EYA2: variants seen among roughly 807,000 people sequenced by gnomAD.
EYA2 encodes the protein protein phosphatase EYA2.
A neutral mutation model predicts 69.2 loss-of-function variants in EYA2; 31 were observed. The observed-to-expected ratio is 0.45, with a 90% CI of 0.34 to 0.60. The LOEUF is 0.60. Among genes scored for constraint, EYA2 ranks in the 20% least tolerant of loss-of-function variants. EYA2 has a pLI of 0.02. For missense variants in EYA2, 622 were observed against 701.2 expected, an observed-to-expected ratio of 0.89 and a Z score of 1.28; for synonymous variants, 257 against 279.4, an observed-to-expected ratio of 0.92 and a Z score of 0.80.
At chr20:47,016,140 A>G (rs552714929) in intron 4 of EYA2, 41 bp from the exon 5 acceptor site, 27 of 1,437,608 alleles carry the variant, frequency 1.9e-5, no homozygotes, top group Middle Eastern at 3.5e-4. Context: ...CATCCTAATC[A>G]TGTGTCCTTG....
chr20:47,185,450 G>A (rs2034621620), intron 15 of EYA2, among the ~76,000 whole-genome samples: 1 of 151,884 alleles, frequency 6.6e-6, no homozygotes, highest in African/African-American at 2.4e-5. Flanking sequence ...ACAGGCATGA[G>A]CCACCACATG....
chr20:47,118,724 TGA>T (rs2032969973), intron 9 of EYA2, among the ~76,000 whole-genome samples: 1 of 152,182 alleles, frequency 6.6e-6, no homozygotes, highest in South Asian at 2.1e-4. Context: ...TCGGCCGCTT[TGA>T]GAGAGACCAT....
chr20:47,027,678 G>A (rs1468366078), intron 5 of EYA2, among the ~76,000 whole-genome samples: 1 of 152,156 alleles, frequency 6.6e-6, no homozygotes, highest in Non-Finnish European at 1.5e-5. Context: ...GGATCAGGAG[G>A]GAGTTTAGTT....
chr20:47,073,922 T>A (rs2031412071), intron 6 of EYA2, among the ~76,000 whole-genome samples: 1 of 152,204 alleles, frequency 6.6e-6, no homozygotes, highest in South Asian at 2.1e-4. Flanking sequence ...CAGGCTGCTC[T>A]CCCGCATCTC....
intron 5 of EYA2, among the ~76,000 whole-genome samples, chr20:47,060,051 AC>A (rs2030809302): frequency 1.3e-5 from 2 of 152,032 alleles, no homozygotes; most frequent in African/African-American, 4.8e-5. Flanking sequence ...TGCATTTAAA[AC>A]TCAGGAGATT....
chr20:47,012,132 A>G (rs1340671920), intron 4 of EYA2, among the ~76,000 whole-genome samples: 1 of 152,218 alleles, frequency 6.6e-6, no homozygotes, highest in African/African-American at 2.4e-5. Context: ...GAATGAGTGA[A>G]TGAATGCTTA....
At chr20:47,123,634 G>A (rs1412707876) in intron 9 of EYA2, among the ~76,000 whole-genome samples, 1 of 152,120 alleles carries the variant, frequency 6.6e-6, no homozygotes, top group East Asian at 1.9e-4. Context: ...ATATATAAAT[G>A]TTATAGATTA....
At chr20:46,945,064 A>G (rs1031894836) in intron 1 of EYA2, among the ~76,000 whole-genome samples, 1 of 150,670 alleles carries the variant, frequency 6.6e-6, no homozygotes, top group Non-Finnish European at 1.5e-5. Context: ...AGATCAAGCC[A>G]CTCCACTCCA....
chr20:47,018,499 G>A (rs1380259392), intron 5 of EYA2, among the ~76,000 whole-genome samples: 3 of 152,228 alleles, frequency 2.0e-5, no homozygotes, highest in African/African-American at 7.2e-5. Context: ...ATGCTGGACC[G>A]TGAGCAGTGG....
At chr20:46,962,957 C>T (rs1053545179) in intron 1 of EYA2, among the ~76,000 whole-genome samples, 1 of 152,250 alleles carries the variant, frequency 6.6e-6, no homozygotes, top group Admixed American at 6.5e-5. Flanking sequence ...TTCCCTGGCA[C>T]CAGCCTTCAG....
At chr20:46,967,403 G>A (rs1979857929) in intron 1 of EYA2, among the ~76,000 whole-genome samples, 1 of 152,214 alleles carries the variant, frequency 6.6e-6, no homozygotes, top group East Asian at 1.9e-4. Context: ...TAAATACTCA[G>A]CTGTTAATTC....
intron 1 of EYA2, among the ~76,000 whole-genome samples, chr20:46,933,291 C>A (rs979471762): frequency 1.3e-5 from 2 of 152,176 alleles, no homozygotes; most frequent in East Asian, 1.9e-4. Context: ...GCAGGTCAGG[C>A]AGGTAGCTGG....
intron 5 of EYA2, among the ~76,000 whole-genome samples, chr20:47,042,528 C>G (rs981056043): frequency 6.6e-6 from 1 of 152,188 alleles, no homozygotes; most frequent in Non-Finnish European, 1.5e-5. Flanking sequence ...GGTCATTCAG[C>G]CTCTGACCCT....
chr20:47,062,941 G>A (rs972596715), intron 5 of EYA2, among the ~76,000 whole-genome samples: 4 of 152,138 alleles, frequency 2.6e-5, no homozygotes, highest in Admixed American at 2.0e-4. Flanking sequence ...GGCAGAAGGC[G>A]GGGGTTCTGA....
chr20:46,928,841 G>A (rs981347823), intron 1 of EYA2, among the ~76,000 whole-genome samples: 20 of 152,178 alleles, frequency 1.3e-4, no homozygotes, highest in Admixed American at 7.2e-4. Context: ...TACAGACAGA[G>A]TTCTAGAAGG....
At chr20:47,150,387 CAT>C (rs1273383792) in intron 10 of EYA2, among the ~76,000 whole-genome samples, 1 of 152,212 alleles carries the variant, frequency 6.6e-6, no homozygotes, top group African/African-American at 2.4e-5. Context: ...GTTTCTCTCT[CAT>C]GAGGAAATCT....
chr20:46,915,477 C>T (rs1298349083), intron 1 of EYA2, among the ~76,000 whole-genome samples: 2 of 152,154 alleles, frequency 1.3e-5, no homozygotes, highest in East Asian at 3.8e-4. Flanking sequence ...AACTGAGGCT[C>T]AGACAGGCCA....
intron 4 of EYA2, among the ~76,000 whole-genome samples, chr20:47,010,202 A>G (rs1278503343): frequency 6.6e-6 from 1 of 152,108 alleles, no homozygotes; most frequent in Non-Finnish European, 1.5e-5. Context: ...AAGAATTTTC[A>G]TTGTCTCTGG....
chr20:47,089,189 G>A (rs1438680076), intron 7 of EYA2, 50 bp from the exon 8 acceptor site: 1 of 1,598,612 alleles, frequency 6.3e-7, no homozygotes, highest in East Asian at 2.2e-5. Flanking sequence ...CCCAGGAGGA[G>A]ACACCCAGCA....
Sources: gnomAD v4.1 joint callset for allele counts (sites outside exome capture counted in the v4.1 genomes callset) on GRCh38, gnomAD v4.1.1 for gene constraint, MANE v1.5 for transcripts, NCBI Gene and HGNC (gene_info 2026-07-23, HGNC 2026-07-21) for gene names.